The following TCERG1L variants were observed in gnomAD, a reference collection of about 807,000 sequenced individuals.
TCERG1L encodes transcription elongation regulator 1-like protein.
In TCERG1L, 37 loss-of-function variants were observed where a neutral mutation model predicts 56.3. The observed-to-expected ratio is 0.66, with a 90% CI of 0.51 to 0.87. The LOEUF is 0.87. Ranked by LOEUF, TCERG1L falls within the 40% of genes least tolerant of loss-of-function variation. The pLI, the probability that TCERG1L is intolerant of heterozygous loss-of-function variation, is 0.00. For missense variants in TCERG1L, 799 were observed against 774.2 expected, an observed-to-expected ratio of 1.03 and a Z score of -0.38; for synonymous variants, 324 against 326.3, an observed-to-expected ratio of 0.99 and a Z score of 0.08.
intron 4 of TCERG1L, among the ~76,000 whole-genome samples, chr10:131,237,872 G>A (rs906050194): frequency 3.9e-5 from 6 of 152,212 alleles, no homozygotes; most frequent in African/African-American, 1.4e-4. Context: ...TTGACTGAGA[G>A]TTGGCGGGCG....
chr10:131,220,170 T>C (rs556920155), intron 4 of TCERG1L, among the ~76,000 whole-genome samples: 133 of 152,278 alleles, frequency 8.7e-4, no homozygotes, highest in Non-Finnish European at 1.5e-3. Flanking sequence ...TTCCCTGCCA[T>C]GCGAAGGGGA....
chr10:131,140,970 C>G (rs1845731786), intron 7 of TCERG1L, among the ~76,000 whole-genome samples: 1 of 152,124 alleles, frequency 6.6e-6, no homozygotes, highest in Admixed American at 6.5e-5. Flanking sequence ...AACTGGACTT[C>G]TCTGTATTCC....
At chr10:131,220,380 T>C (rs1302511904) in intron 4 of TCERG1L, among the ~76,000 whole-genome samples, 2 of 152,196 alleles carry the variant, frequency 1.3e-5, no homozygotes, top group East Asian at 3.9e-4. Flanking sequence ...TCTGGCTCTG[T>C]CTGCAGGACG....
chr10:131,093,287 C>T lies in TCERG1L; in HGVS notation c.1636G>A (p.Gly546Ser), dbSNP rs144550438. ...TTFKEFAEKY[G>S]RDQRFRLVQK... Reference sequence around the variant, plus strand: ...ACAAGTCGGAACCTCTGATCCCGGCCGTATTTCTCTGCAAACTCCTTAAAC... The same window carrying T: ...ACAAGTCGGAACCTCTGATCCCGGCTGTATTTCTCTGCAAACTCCTTAAAC... Residue 546 changes from glycine to serine, a missense_variant, in exon 12 of 12, where the codon GGC becomes AGC. Physicochemically the swap from Gly to Ser is moderately conservative, Grantham distance 56 (BLOSUM62 0). Coordinates refer to ENST00000368642, the MANE Select transcript of TCERG1L (RefSeq NM_174937.4). 115 of 1,613,818 alleles carry T rather than the reference C, an allele frequency of 7.1e-5. No homozygotes were observed. Among genetic ancestry groups the T allele is most frequent in the Admixed American group, 2.8e-4 (17 of 59,998 alleles).
intron 4 of TCERG1L, among the ~76,000 whole-genome samples, chr10:131,243,529 A>C (rs575783119): frequency 6.6e-6 from 1 of 152,270 alleles, no homozygotes; most frequent in Admixed American, 6.5e-5. Context: ...GCGCCACTGC[A>C]CTCCAGCACT....
At chr10:131,230,963 C>A (rs1845843943) in intron 4 of TCERG1L, among the ~76,000 whole-genome samples, 1 of 150,496 alleles carries the variant, frequency 6.6e-6, no homozygotes, top group African/African-American at 2.4e-5. Flanking sequence ...TTTAGGGACA[C>A]ATGCCCTGAG....
chr10:131,215,208 C>T (rs534272513), intron 4 of TCERG1L, among the ~76,000 whole-genome samples: 1 of 152,330 alleles, frequency 6.6e-6, no homozygotes, highest in South Asian at 2.1e-4. Flanking sequence ...TATAAGTTAT[C>T]CAAGGCTCAC....
intron 3 of TCERG1L, among the ~76,000 whole-genome samples, chr10:131,270,657 T>C (rs948211728): frequency 1.1e-4 from 17 of 152,256 alleles, no homozygotes; most frequent in Non-Finnish European, 2.2e-4. Context: ...TGCATTGTTA[T>C]TGCCACTCCT....
chr10:131,171,500 TTGA>T (rs1846092653), intron 4 of TCERG1L, among the ~76,000 whole-genome samples: 1 of 152,216 alleles, frequency 6.6e-6, no homozygotes, highest in Non-Finnish European at 1.5e-5. Flanking sequence ...GCGGGTCCAG[TTGA>T]TGGCATATGC....
chr10:131,179,260 C>T (rs1845144508), intron 4 of TCERG1L, among the ~76,000 whole-genome samples: 1 of 152,244 alleles, frequency 6.6e-6, no homozygotes, highest in Non-Finnish European at 1.5e-5. Flanking sequence ...CTGTGTGTTT[C>T]CCAGGTCACA....
intron 3 of TCERG1L, among the ~76,000 whole-genome samples, chr10:131,297,621 T>C (rs1846712946): frequency 6.6e-6 from 1 of 152,186 alleles, no homozygotes; most frequent in Non-Finnish European, 1.5e-5. Context: ...TTCATTTTAT[T>C]TTCTGAACAA....
chr10:131,108,267 G>A (rs1845374284), intron 9 of TCERG1L, among the ~76,000 whole-genome samples: 1 of 152,158 alleles, frequency 6.6e-6, no homozygotes, highest in Admixed American at 6.5e-5. Context: ...CTTTAGCCCA[G>A]CGTTTCACAG....
chr10:131,164,650 C>T (rs1260854440), intron 5 of TCERG1L, among the ~76,000 whole-genome samples: 3 of 151,986 alleles, frequency 2.0e-5, no homozygotes, highest in Non-Finnish European at 4.4e-5. Flanking sequence ...TTAAAAATAC[C>T]AGTGCCTTAT....
At chr10:131,282,741 G>A (rs935110468) in intron 3 of TCERG1L, among the ~76,000 whole-genome samples, 4 of 152,106 alleles carry the variant, frequency 2.6e-5, no homozygotes. Flanking sequence ...TGTTATACCA[G>A]ACACTTTGTC....
chr10:131,279,818 C>A (rs546949345), intron 3 of TCERG1L, among the ~76,000 whole-genome samples: 1 of 152,174 alleles, frequency 6.6e-6, no homozygotes, highest in African/African-American at 2.4e-5. Flanking sequence ...ACACCCATAG[C>A]AAACCCTGTG....
intron 5 of TCERG1L, among the ~76,000 whole-genome samples, chr10:131,166,121 G>T (rs556391390): frequency 8.5e-5 from 13 of 152,342 alleles, no homozygotes; most frequent in African/African-American, 3.1e-4. Flanking sequence ...CACCCTGACA[G>T]AACTCAGAGG....
At chr10:131,144,968 C>T (rs533748834) in intron 7 of TCERG1L, among the ~76,000 whole-genome samples, 1 of 152,280 alleles carries the variant, frequency 6.6e-6, no homozygotes, top group South Asian at 2.1e-4. Context: ...TCAGACCTGA[C>T]CTGATTTGGT....
intron 3 of TCERG1L, among the ~76,000 whole-genome samples, chr10:131,275,958 C>T (rs992977145): frequency 1.3e-5 from 2 of 152,294 alleles, no homozygotes; most frequent in East Asian, 3.9e-4. Context: ...CCCAGACTCA[C>T]TTTCTATCAG....
chr10:131,186,697 C>G (rs555364862), intron 4 of TCERG1L, among the ~76,000 whole-genome samples: 1 of 152,306 alleles, frequency 6.6e-6, no homozygotes, highest in African/African-American at 2.4e-5. Flanking sequence ...CCTCGTGCCT[C>G]TGGCGAGAAG....
Sources: gnomAD v4.1 joint callset for allele counts (sites outside exome capture counted in the v4.1 genomes callset) on GRCh38, gnomAD v4.1.1 for gene constraint, MANE v1.5 for transcripts, NCBI Gene and HGNC (gene_info 2026-07-23, HGNC 2026-07-21) for gene names.